ONECUT1: variants seen among roughly 807,000 people sequenced by gnomAD.
ONECUT1 encodes hepatocyte nuclear factor 6.
Under a neutral mutation model 25.6 loss-of-function variants are expected in ONECUT1, and 12 were observed. The observed-to-expected ratio is 0.47, with a 90% CI of 0.30 to 0.76. ONECUT1 has a LOEUF of 0.76. Ranked by LOEUF, ONECUT1 falls within the 30% of genes least tolerant of loss-of-function variation. ONECUT1 has a pLI of 0.07. For missense variants in ONECUT1, 620 were observed against 651.2 expected (o/e 0.95, Z 0.52); for synonymous variants, 285 against 270.2 (o/e 1.05, Z -0.54).
In ONECUT1 at chr15:52,788,105, T is replaced by G. The variant is rs2083889030; in HGVS notation, c.1105+675A>C. On this transcript the variant is annotated intron_variant, in intron 1 of 1. Coordinates refer to ENST00000305901, the MANE Select transcript of ONECUT1 (RefSeq NM_004498.4). This position sits in a 1 kb window ranked among gnomAD's most constrained non-coding sequence, Gnocchi z 4.3. The stretch of plus-strand genomic sequence containing the variant: ...ATGGCTATTGCTTTGCAGCTCTCAC[T>G]GGGACCTTGGGACGGTCAGCCTCCC... The G allele has an allele frequency of 6.6e-6, 1 of 152,432 alleles. No individual in the cohort carries two copies. Among genetic ancestry groups the G allele is most frequent in the Non-Finnish European group, 1.5e-5 (1 of 68,192 alleles). 9.4% of individuals were successfully genotyped at this position (152,432 alleles called of 1,614,324 possible).
chr15:52,755,279 A>G lies in ONECUT1; in HGVS notation c.*2276T>C, dbSNP rs2083668853. ...TCCCTCCATCCCTGGAGAGAGAGAAAATGTTAATCAGTTTTTTCCTTTTTG... is the reference window on the plus strand; with the variant it reads ...TCCCTCCATCCCTGGAGAGAGAGAAGATGTTAATCAGTTTTTTCCTTTTTG... On this transcript the variant is annotated 3_prime_UTR_variant, in exon 2 of 2. Transcript: ENST00000305901. 6.6e-6 allele frequency among the ~76,000 whole-genome samples: 1 copy of G among 152,146 alleles called. No homozygotes were observed. Among genetic ancestry groups the G allele is most frequent in the Non-Finnish European group, 1.5e-5 (1 of 68,030 alleles).
chr15:52,779,852 G>A (rs7181939), intron 1 of ONECUT1, among the ~76,000 whole-genome samples: 6,724 of 152,230 alleles, frequency 0.044, 526 homozygotes, highest in African/African-American at 0.16. Flanking sequence ...GGTACTTAGC[G>A]CTCTCCAGAG....
Position 52,789,977 on chromosome 15 carries a change from C to A in ONECUT1, c.-93G>T. 7.0e-7 allele frequency: 1 copy of A among 1,428,094 alleles called. No homozygotes were observed. The highest frequency in any genetic ancestry group is 9.1e-7 in the Non-Finnish European group (1 of 1,097,986). 88.5% of individuals were successfully genotyped at this position (1,428,094 alleles called of 1,614,324 possible). A position where few individuals can be genotyped will look rare whatever the true frequency, so the allele number is the denominator to read the frequency against. On this transcript the variant is annotated 5_prime_UTR_variant, in exon 1 of 2. Transcript: ENST00000305901. This position sits in a 1 kb window ranked among gnomAD's most constrained non-coding sequence, Gnocchi z 4.1. The stretch of plus-strand genomic sequence containing the variant: ...CGGAGTCCGGTCTTCACATCGGCTG[C>A]TGGCGACTGTTGCCTTCCTTCCTCT...
chr15:52,760,083 AAG>A (rs1475812965), intron 1 of ONECUT1, among the ~76,000 whole-genome samples: 5 of 152,200 alleles, frequency 3.3e-5, no homozygotes, highest in Admixed American at 2.0e-4. Context: ...TCAGTCATGA[AAG>A]AGAGATTTGT....
intron 1 of ONECUT1, among the ~76,000 whole-genome samples, chr15:52,779,864 A>G (rs2083829136): frequency 6.6e-6 from 1 of 152,224 alleles, no homozygotes; most frequent in South Asian, 2.1e-4. Flanking sequence ...TCTCCAGAGT[A>G]TGCATAATAA....
chr15:52,776,592 T>C (rs949226418), intron 1 of ONECUT1, among the ~76,000 whole-genome samples: 1 of 152,204 alleles, frequency 6.6e-6, no homozygotes, highest in Non-Finnish European at 1.5e-5. Context: ...ACAACTTCCT[T>C]TGGGCTGCAC....
chr15:52,789,691 C>A lies in ONECUT1; in HGVS notation c.194G>T (p.Gly65Val). 3 of 1,494,012 alleles carry A rather than the reference C, an allele frequency of 2.0e-6. No individual in the cohort carries two copies. The highest frequency in any genetic ancestry group is 2.7e-6 in the Non-Finnish European group (3 of 1,128,916). 92.5% of individuals were successfully genotyped at this position (1,494,012 alleles called of 1,614,324 possible). The change falls in exon 1 of 2, where the codon GGC (glycine) becomes GTC (valine). Residue 65 changes from glycine to valine, a missense_variant. This residue lies in a region of ONECUT1 where 440 missense variants were observed against 404.9 expected (regional missense o/e 1.09). Coordinates refer to ENST00000305901, the MANE Select transcript of ONECUT1 (RefSeq NM_004498.4). The surrounding 1 kb of genome is among the most constrained non-coding windows in gnomAD (Gnocchi z 4.1). ...CCGGTGGTGGTGGTGGTAATCTCCG[C>A]CGCCGCTGCCGCCGTCCAGCAGGGA... ...MASLLDGGSG[G>V]GDYHHHHRAP...
intron 1 of ONECUT1, among the ~76,000 whole-genome samples, chr15:52,771,080 T>C (rs903595864): frequency 1.3e-5 from 2 of 152,172 alleles, no homozygotes; most frequent in African/African-American, 4.8e-5. Context: ...AGGAATTTAT[T>C]CTAAGGCTAT....
intron 1 of ONECUT1, among the ~76,000 whole-genome samples, chr15:52,772,193 G>A (rs1383633380): frequency 6.6e-6 from 1 of 152,064 alleles, no homozygotes; most frequent in Non-Finnish European, 1.5e-5. Context: ...AGGAGATCGA[G>A]ACCATCCTGG....
In ONECUT1 at chr15:52,773,048, C is replaced by G. The variant is rs571565923; in HGVS notation, c.1106-15201G>C. Among the ~76,000 whole-genome samples, 4 of 152,304 alleles carry G rather than the reference C, an allele frequency of 2.6e-5. No homozygotes were observed. The South Asian group carries it at 8.3e-4, about 32-fold the overall frequency. On this transcript the variant is annotated intron_variant, in intron 1 of 1. Coordinates refer to ENST00000305901, the MANE Select transcript of ONECUT1 (RefSeq NM_004498.4). Reference sequence around the variant, plus strand: ...CTGATTCCATAGGATTTCTAACAAGCTCCCAAGTGATGCTGGGGCGTGGGT... The same window carrying G: ...CTGATTCCATAGGATTTCTAACAAGGTCCCAAGTGATGCTGGGGCGTGGGT...
chr15:52,768,852 T>C (rs1354096371), intron 1 of ONECUT1, among the ~76,000 whole-genome samples: 1 of 152,174 alleles, frequency 6.6e-6, no homozygotes, highest in Admixed American at 6.5e-5. Flanking sequence ...ATACAATTAG[T>C]TTCACAAGGG....
intron 1 of ONECUT1, among the ~76,000 whole-genome samples, chr15:52,777,842 A>G (rs2083814293): frequency 6.6e-6 from 1 of 152,200 alleles, no homozygotes; most frequent in Admixed American, 6.5e-5. Context: ...GGAACTTGCT[A>G]CAGCAGGTGC....
intron 1 of ONECUT1, chr15:52,780,559 G>A: frequency 6.5e-7 from 1 of 1,527,866 alleles, no homozygotes; most frequent in Non-Finnish European, 8.8e-7. Flanking sequence ...TACCCCAAAT[G>A]AATTGAAAGG....
At chr15:52,778,165 T>C (rs2083816490) in intron 1 of ONECUT1, among the ~76,000 whole-genome samples, 1 of 152,200 alleles carries the variant, frequency 6.6e-6, no homozygotes, top group Admixed American at 6.5e-5. Flanking sequence ...AATGAACATC[T>C]ATGAGTCCAC....
intron 1 of ONECUT1, among the ~76,000 whole-genome samples, chr15:52,777,779 T>C (rs1050532118): frequency 6.6e-6 from 1 of 151,312 alleles, no homozygotes; most frequent in African/African-American, 2.4e-5. Flanking sequence ...CCTGCTAGAC[T>C]GTGAGTTCCA....
At chr15:52,774,122 T>TACACAA (rs575036064) in intron 1 of ONECUT1, among the ~76,000 whole-genome samples, 1 of 137,716 alleles carries the variant, frequency 7.3e-6, no homozygotes, top group Non-Finnish European at 1.6e-5. Context: ...ATTGGAAGGA[T>TACACAA]ACACACACAC....
intron 1 of ONECUT1, among the ~76,000 whole-genome samples, chr15:52,781,942 T>C (rs943424719): frequency 1.3e-5 from 2 of 152,228 alleles, no homozygotes; most frequent in Non-Finnish European, 2.9e-5. Flanking sequence ...CCTTATCAGT[T>C]ACTATGACAA....
intron 1 of ONECUT1, among the ~76,000 whole-genome samples, chr15:52,759,239 G>C (rs941342410): frequency 3.9e-4 from 59 of 152,134 alleles, no homozygotes; most frequent in African/African-American, 1.3e-3. Context: ...GTGTATTCCA[G>C]GTTCTCAATT....
chr15:52,759,304 G>C (rs560780351), intron 1 of ONECUT1, among the ~76,000 whole-genome samples: 96 of 152,118 alleles, frequency 6.3e-4, no homozygotes, highest in Admixed American at 2.2e-3. Context: ...GCTCTCCTCA[G>C]CCTGCCCCTC....
Sources: allele counts gnomAD v4.1 joint callset (sites outside exome capture counted in the v4.1 genomes callset), GRCh38; gene constraint gnomAD v4.1.1; regional missense constraint gnomAD v4.1.1; non-coding constraint Gnocchi (gnomAD v3.1); transcripts MANE v1.5; gene names NCBI Gene and HGNC (gene_info 2026-07-23, HGNC 2026-07-21).